The following TAF6 variants were observed in gnomAD, a reference collection of about 807,000 sequenced individuals.
TAF6 encodes TATA-box binding protein associated factor 6.
TAF6 carries 50 observed loss-of-function variants against 73.5 expected under a neutral mutation model. The ratio of observed to expected loss-of-function variants is 0.68; its 90% confidence interval spans 0.54 to 0.86. The LOEUF (loss-of-function observed/expected upper bound fraction) is 0.86, where lower values mean the gene tolerates loss of function less well. Ranked by LOEUF, TAF6 falls within the 40% of genes least tolerant of loss-of-function variation. The pLI is 0.00. For missense variants in TAF6, 768 were observed against 899.5 expected (o/e 0.85, Z 1.87); for synonymous variants, 424 against 376.7 (o/e 1.13, Z -1.45).
intron 5 of TAF6, among the ~76,000 whole-genome samples, 200 bp from the exon 6 acceptor site, chr7:100,113,117 T>C (rs1797351372): frequency 6.6e-6 from 1 of 151,910 alleles, no homozygotes. Flanking sequence ...TTACAAAAAA[T>C]TAGCCGGGCG....
upstream of TAF6, chr7:100,120,371 T>C (rs191311822): frequency 6.6e-6 from 1 of 152,584 alleles, no homozygotes; most frequent in Admixed American, 6.5e-5. Context: ...ACTAGGAGAG[T>C]GTCCCCATCC....
Position 100,114,277 on chromosome 7 carries a change from G to A in TAF6, c.-59-9C>T. 1 of 1,611,972 alleles carries A rather than the reference G, an allele frequency of 6.2e-7. No individual in the cohort carries two copies. Among genetic ancestry groups the A allele is most frequent in the Non-Finnish European group, 8.5e-7 (1 of 1,179,916 alleles). ...GTGGAGAGACGGAGACCCTGGCAGA[G>A]GAACGGGGCAGGCAGAAGAAAAAGA... On this transcript the variant is annotated splice_polypyrimidine_tract_variant and intron_variant, in intron 1 of 14. Transcript: ENST00000453269.
intron 1 of TAF6, among the ~76,000 whole-genome samples, chr7:100,118,231 T>G (rs990802665): frequency 2.0e-5 from 3 of 151,246 alleles, no homozygotes; most frequent in African/African-American, 7.3e-5. Flanking sequence ...CGGGCGCCTG[T>G]AGTCCCAGCT....
chr7:100,120,084 AC>A (rs202216160), upstream of TAF6: 5 of 422,640 alleles, frequency 1.2e-5, no homozygotes, highest in East Asian at 4.1e-5. Flanking sequence ...CTGGCTTGGA[AC>A]CCCCCGCCCG....
intron 6 of TAF6, 134 bp downstream of exon 6, chr7:100,112,664 G>A: frequency 1.5e-6 from 2 of 1,303,196 alleles, no homozygotes; most frequent in East Asian, 2.7e-5. Flanking sequence ...GCAGTGAGCT[G>A]AGATCGTACC....
intron 5 of TAF6, 105 bp from the exon 6 acceptor site, chr7:100,113,022 T>G (rs1418171242): frequency 2.7e-6 from 4 of 1,480,078 alleles, no homozygotes; most frequent in Non-Finnish European, 3.6e-6. Context: ...CCCAGCACTT[T>G]GGGAGGCCAA....
intron 9 of TAF6, 96 bp downstream of exon 9, chr7:100,111,632 G>A: frequency 7.4e-7 from 1 of 1,348,618 alleles, no homozygotes; most frequent in Non-Finnish European, 1.1e-6. Flanking sequence ...CAAAGTTGCT[G>A]GGATTTCAGG....
chr7:100,123,817 G>A (rs1051860300), upstream of TAF6, among the ~76,000 whole-genome samples: 5 of 152,210 alleles, frequency 3.3e-5, no homozygotes, highest in African/African-American at 7.2e-5. Context: ...ATTGGGCCCT[G>A]CCTTAAGGAA....
chr7:100,117,255 C>G (rs999180363), intron 1 of TAF6, among the ~76,000 whole-genome samples: 3 of 146,204 alleles, frequency 2.1e-5, no homozygotes, highest in African/African-American at 2.5e-5. Context: ...CGTCCACCAT[C>G]TAGACAGGGC....
chr7:100,126,141 G>A, the TAF6 span, among the ~76,000 whole-genome samples: 19 of 151,978 alleles, frequency 1.3e-4, no homozygotes, highest in South Asian at 4.2e-4. Context: ...AGCCAAGATC[G>A]TGCCACTGCA....
upstream of TAF6, chr7:100,119,539 G>T: frequency 7.3e-7 from 1 of 1,365,898 alleles, no homozygotes; most frequent in Non-Finnish European, 9.7e-7. Context: ...CTACCCGGCT[G>T]CCAGGACCTT....
At chr7:100,123,693 T>C (rs987806625), upstream of TAF6, among the ~76,000 whole-genome samples, 2 of 152,078 alleles carry the variant, frequency 1.3e-5, no homozygotes, top group Non-Finnish European at 2.9e-5. Context: ...GCTAATTTTT[T>C]GTAATTTTAG....
intron 12 of TAF6, 76 bp from the exon 13 acceptor site, chr7:100,108,616 C>G: frequency 6.7e-7 from 1 of 1,489,806 alleles, no homozygotes; most frequent in East Asian, 2.3e-5. Context: ...TGGTGACACT[C>G]TTGAGAAGAA....
upstream of TAF6, chr7:100,119,569 G>T: frequency 7.0e-7 from 1 of 1,431,996 alleles, no homozygotes. Flanking sequence ...CCACAAAACG[G>T]AGGCAGGGAA....
At position 100,114,059 on chromosome 7, in the gene TAF6, C is replaced by T. The variant is rs572038553; in HGVS notation, c.151G>A (p.Ala51Thr). The change falls in exon 2 of 15, where the codon GCA becomes ACA. Residue 51 changes from alanine to threonine, a missense_variant. Ala to Thr is a moderately conservative substitution (Grantham distance 58, BLOSUM62 0). Coordinates refer to ENST00000453269, the MANE Select transcript of TAF6 (RefSeq NM_139315.3). ...GGACAGAAGGGCCGGGTCACCTGTG[C>T]GATCTCTTTGATGCGGTAGCTGACC... ...DEVSYRIKEI[A>T]QDALKFMHMG... The T allele has an allele frequency of 1.8e-4, 294 of 1,613,904 alleles. 2 individuals are homozygous for T. Among genetic ancestry groups the T allele is most frequent in the Non-Finnish European group, 1.3e-4 (154 of 1,179,928 alleles).
chr7:100,124,294 C>T, upstream of TAF6: 1 of 513,598 alleles, frequency 1.9e-6, no homozygotes. Flanking sequence ...ACATATTTTA[C>T]AGGCAAGGAG....
chr7:100,111,327 G>C lies in TAF6; in HGVS notation c.901-6C>G. On this transcript the variant is annotated splice_region_variant and splice_polypyrimidine_tract_variant and intron_variant, in intron 9 of 14. Transcript: ENST00000453269. ...GCTGGAATCAGCTCATGGACCTAAGGGAGAAAGGGCGGGACAGCTGATTCT... is the reference window on the plus strand; with the variant it reads ...GCTGGAATCAGCTCATGGACCTAAGCGAGAAAGGGCGGGACAGCTGATTCT... 1.2e-6 allele frequency: 2 copies of C among 1,610,066 alleles called. No homozygotes were observed. The highest frequency in any genetic ancestry group is 2.2e-5 in the South Asian group (2 of 91,006).
At position 100,108,484 on chromosome 7, in the gene TAF6, G is replaced by C; in HGVS notation, c.1341C>G (p.Ala447=). Residue 447 remains alanine, a synonymous_variant, in exon 13 of 15, where the codon GCC becomes GCG. Transcript: ENST00000453269. ...CAAGGGACCCGAATTCTGCCCGATA[G>C]GCGTCCTGATTGTCAGGCGGTGGGC... The part of the protein sequence containing the change: ...KLRPPPDNQD[A]YRAEFGSLGP... 1 of 1,613,930 alleles carries C rather than the reference G, an allele frequency of 6.2e-7. No homozygotes were observed.
intron 14 of TAF6, 122 bp downstream of exon 14, chr7:100,107,804 G>A: frequency 1.4e-6 from 2 of 1,398,710 alleles, no homozygotes; most frequent in Non-Finnish European, 1.9e-6. Context: ...ACCCTGGTGG[G>A]CGCCTCTTCC....
Sources: gnomAD v4.1 joint callset for allele counts (sites outside exome capture counted in the v4.1 genomes callset) on GRCh38, gnomAD v4.1.1 for gene constraint, MANE v1.5 for transcripts, NCBI Gene and HGNC (gene_info 2026-07-23, HGNC 2026-07-21) for gene names.